The following LRCH2 variants were observed in gnomAD, a reference collection of about 807,000 sequenced individuals.
LRCH2 encodes the protein leucine-rich repeat and calponin homology domain-containing protein 2.
LRCH2 carries 38 observed loss-of-function variants against 68.9 expected under a neutral mutation model. The ratio of observed to expected loss-of-function variants is 0.55; its 90% CI spans 0.43 to 0.72. LRCH2 has a LOEUF of 0.72. Among genes scored for constraint, LRCH2 ranks in the 30% least tolerant of loss-of-function variants. The pLI is 0.00. For synonymous variants in LRCH2, 191 were observed against 208.1 expected (o/e 0.92, Z 0.71); for missense variants, 528 against 572.9 (o/e 0.92, Z 0.80).
At chrX:115,181,448 G>T (rs1450430699) in intron 3 of LRCH2, among the ~76,000 whole-genome samples, 2 of 112,175 alleles carry the variant, frequency 1.8e-5, no homozygotes, top group Non-Finnish European at 3.8e-5. Flanking sequence ...TTTCCATATG[G>T]AAAATCCATA....
At chrX:115,129,523 G>A (rs999841450) in intron 15 of LRCH2, among the ~76,000 whole-genome samples, 1 of 111,112 alleles carries the variant, frequency 9.0e-6, no homozygotes, top group Admixed American at 9.7e-5. Context: ...GCTGGCAGAC[G>A]ACCAATCATC....
intron 1 of LRCH2, among the ~76,000 whole-genome samples, chrX:115,214,562 T>C (rs2073029393): frequency 8.9e-6 from 1 of 111,733 alleles, no homozygotes; most frequent in Non-Finnish European, 1.9e-5. Context: ...TAACCATAAG[T>C]GCAGCAGAGA....
At chrX:115,172,216 C>A (rs1412594162) in intron 5 of LRCH2, among the ~76,000 whole-genome samples, 1 of 111,497 alleles carries the variant, frequency 9.0e-6, no homozygotes, top group Non-Finnish European at 1.9e-5. Context: ...CATAAACATA[C>A]TTCTCTCTTC....
intron 1 of LRCH2, among the ~76,000 whole-genome samples, chrX:115,193,139 G>A (rs782555181): frequency 1.6e-4 from 18 of 110,026 alleles, no homozygotes; most frequent in African/African-American, 6.0e-4. Context: ...CAAACAACCA[G>A]CAACAACAAC....
At chrX:115,221,196 A>T (rs1556573582) in intron 1 of LRCH2, among the ~76,000 whole-genome samples, 1 of 16,198 alleles carries the variant, frequency 6.2e-5, no homozygotes, top group Non-Finnish European at 1.2e-4. Context: ...AAAAAAAAAA[A>T]AAAAAAAAAA....
chrX:115,150,380 A>G, intron 12 of LRCH2, among the ~76,000 whole-genome samples: 1 of 111,091 alleles, frequency 9.0e-6, no homozygotes, highest in East Asian at 2.8e-4. Flanking sequence ...CAGACAGGAT[A>G]TTTATTATAT....
chrX:115,192,910 G>A (rs2072857207), intron 1 of LRCH2: 12 of 316,110 alleles, frequency 3.8e-5, no homozygotes, highest in Non-Finnish European at 6.9e-5. Flanking sequence ...GTTGAAATAC[G>A]ATTAATGGCT....
At chrX:115,143,481 T>C (rs946509418) in intron 14 of LRCH2, among the ~76,000 whole-genome samples, 3 of 111,456 alleles carry the variant, frequency 2.7e-5, no homozygotes, top group African/African-American at 9.8e-5. Context: ...AGATCAAATC[T>C]GTAATAAATA....
chrX:115,191,989 G>A (rs938724156), intron 1 of LRCH2: 31 of 1,154,464 alleles, frequency 2.7e-5, no homozygotes, highest in African/African-American at 3.8e-5. Flanking sequence ...CAACAGTTAC[G>A]ACCGGAGCCA....
chrX:115,215,707 G>A (rs1297984593), intron 1 of LRCH2, among the ~76,000 whole-genome samples: 1 of 103,122 alleles, frequency 9.7e-6, no homozygotes, highest in Non-Finnish European at 1.9e-5. Context: ...GTTGTAGTGA[G>A]CCAAGATCGC....
chrX:115,201,799 T>C (rs1304156675), intron 1 of LRCH2, among the ~76,000 whole-genome samples: 3 of 111,883 alleles, frequency 2.7e-5, no homozygotes, highest in Non-Finnish European at 5.6e-5. Flanking sequence ...TTAGATTTGA[T>C]AAAGTTTCAG....
At chrX:115,130,275 T>C in intron 14 of LRCH2, 76 bp from the exon 15 acceptor site, 1 of 528,593 alleles carries the variant, frequency 1.9e-6, no homozygotes, top group East Asian at 4.0e-5. Flanking sequence ...ATGTACAAGG[T>C]TCTTTCATAT....
rs1371503146 is a variant in LRCH2 at position 115,146,897 on chromosome X, TTACA to T, written c.1695+2926_1695+2929del. On this transcript the variant is annotated intron_variant, in intron 14 of 20. Coordinates refer to ENST00000317135, the MANE Select transcript of LRCH2 (RefSeq NM_020871.4). ...CTAAGAAGAAATACAGTTGGATTTC[TTACA>T]TACATACACACACACACACACACAC... Among the ~76,000 whole-genome samples, 699 of 77,341 alleles carry T rather than the reference TTACA, an allele frequency of 9.0e-3. 13 individuals carry two copies. The highest frequency in any genetic ancestry group is 0.031 in the African/African-American group (625 of 19,871). 67.2% of individuals were successfully genotyped at this position (77,341 alleles called of 115,157 possible).
rs1466763153 is a variant in LRCH2, at chrX:115,111,601, AAAT to A, written c.*1612_*1614del. The A allele has an allele frequency of 1.9e-4, 21 of 111,268 alleles. No individual in the cohort carries two copies. Among genetic ancestry groups the A allele is most frequent in the Admixed American group, 1.1e-3 (11 of 10,345 alleles). 9.2% of individuals were successfully genotyped at this position (111,268 alleles called of 1,213,427 possible). On this transcript the variant is annotated 3_prime_UTR_variant, in exon 21 of 21. Transcript: ENST00000317135. ...AACAACTAATGAGGTCAAATATTTA[AAAT>A]AATAAATTACTAATAATTTAATTCT...
chrX:115,121,396 A>C (rs1283720527), intron 20 of LRCH2, among the ~76,000 whole-genome samples: 4 of 111,725 alleles, frequency 3.6e-5, no homozygotes, highest in Non-Finnish European at 7.5e-5. Context: ...TTGTGCCTGT[A>C]ATCCCAGCAC....
intron 8 of LRCH2, 29 bp downstream of exon 8, chrX:115,165,812 A>G: frequency 9.3e-7 from 1 of 1,077,631 alleles, no homozygotes; most frequent in Non-Finnish European, 1.3e-6. Flanking sequence ...TGTACATGAA[A>G]CAAAAATAGC....
Position 115,163,740 on chromosome X carries a change from AATC to A in LRCH2, c.1396_1398del (p.Asp466del), listed in dbSNP as rs781813496. 13 of 1,201,265 alleles carry A rather than the reference AATC, an allele frequency of 1.1e-5. No homozygotes were observed. The highest frequency in any genetic ancestry group is 2.3e-4 in the Middle Eastern group (1 of 4,333). On this transcript the variant is annotated inframe_deletion, in exon 11 of 21. Coordinates refer to ENST00000317135, the MANE Select transcript of LRCH2 (RefSeq NM_020871.4). ...TTCCTCAAATCAGTTACTTCCTTCA[AATC>A]ATCATCCTCTTCCTCTGCCAGTAAC... is the stretch of plus-strand genomic sequence containing the variant.
At position 115,222,736 on chromosome X, in the gene LRCH2, G is replaced by C. The variant is rs1346738238; in HGVS notation, c.349+10957C>G. On this transcript the variant is annotated intron_variant, in intron 1 of 20. Coordinates refer to ENST00000317135, the MANE Select transcript of LRCH2 (RefSeq NM_020871.4). ...AAAAGACATCCCCTATTCATGGATTGGACAACTTAATATTGATAAGATGGC... is the reference window on the plus strand; with the variant it reads ...AAAAGACATCCCCTATTCATGGATTCGACAACTTAATATTGATAAGATGGC... Among the ~76,000 whole-genome samples, 13 of 111,962 alleles carry C rather than the reference G, an allele frequency of 1.2e-4. No homozygotes were observed. In the Admixed American group the frequency reaches 1.2e-3, roughly 11 times the overall value.
chrX:115,192,599 G>A lies in LRCH2; in HGVS notation c.350-4229C>T, dbSNP rs781955579. On this transcript the variant is annotated intron_variant, in intron 1 of 20. Transcript: ENST00000317135. ...TGCAGGGTGCCCAGGGGCGGAGGCC[G>A]TCAAGGAGGCCGCTTCGAGAGGGGG... 29 of 1,171,712 alleles carry A rather than the reference G, an allele frequency of 2.5e-5. 1 individual carries two copies. The highest frequency in any genetic ancestry group is 2.7e-5 in the Non-Finnish European group (24 of 874,914).
Sources: allele counts gnomAD v4.1 joint callset (sites outside exome capture counted in the v4.1 genomes callset), GRCh38; gene constraint gnomAD v4.1.1; transcripts MANE v1.5; gene names NCBI Gene and HGNC (gene_info 2026-07-23, HGNC 2026-07-21).